The following SMIM10L3 variants were observed in gnomAD, a reference collection of about 807,000 sequenced individuals.
SMIM10L3 encodes salivary gland specific protein SAGSIN1.
chr7:6,348,492 C>G, the SMIM10L3 span: 2 of 409,686 alleles, frequency 4.9e-6, no homozygotes, highest in Non-Finnish European at 8.6e-6. Context: ...TAGGCAGTGG[C>G]AGCTGCCGTG....
the SMIM10L3 span, chr7:6,330,190 C>T: frequency 1.6e-6 from 1 of 622,976 alleles, no homozygotes; most frequent in Non-Finnish European, 2.8e-6. Context: ...TTAACACATG[C>T]CAAAAAAGTT....
chr7:6,347,912 T>C, the SMIM10L3 span, among the ~76,000 whole-genome samples: 1 of 146,966 alleles, frequency 6.8e-6, no homozygotes, highest in African/African-American at 2.5e-5. Flanking sequence ...TTATTATTAT[T>C]ATTATTATTA....
the SMIM10L3 span, chr7:6,348,710 C>A: frequency 2.4e-6 from 1 of 422,664 alleles, no homozygotes; most frequent in Non-Finnish European, 4.2e-6. Flanking sequence ...GAGCGGGCGG[C>A]GGCCGAGCGC....
the SMIM10L3 span, among the ~76,000 whole-genome samples, chr7:6,339,870 C>T: frequency 6.6e-6 from 1 of 151,618 alleles, no homozygotes; most frequent in Non-Finnish European, 1.5e-5. Context: ...GGCCGGGTGC[C>T]AGCTCGGCGT....
At chr7:6,335,807 G>A in the SMIM10L3 span, among the ~76,000 whole-genome samples, 1 of 152,118 alleles carries the variant, frequency 6.6e-6, no homozygotes, top group Non-Finnish European at 1.5e-5. Flanking sequence ...GGCACAGACA[G>A]AAGGATGGCT....
chr7:6,338,532 G>C, the SMIM10L3 span: 15,105 of 152,190 alleles, frequency 0.099, 983 homozygotes, highest in Admixed American at 0.22. Context: ...ACCTCCCTCT[G>C]CCTCCCACCA....
the SMIM10L3 span, among the ~76,000 whole-genome samples, chr7:6,334,856 C>G: frequency 6.6e-6 from 1 of 151,682 alleles, no homozygotes; most frequent in Non-Finnish European, 1.5e-5. Context: ...GCAACCTCCA[C>G]CTCCTGGGTT....
chr7:6,346,257 C>G, the SMIM10L3 span, among the ~76,000 whole-genome samples: 8 of 152,272 alleles, frequency 5.3e-5, no homozygotes, highest in Non-Finnish European at 1.0e-4. Flanking sequence ...ATTCAAGCCA[C>G]CTGGTGGAGG....
chr7:6,331,738 C>CT, the SMIM10L3 span, among the ~76,000 whole-genome samples: 1,288 of 117,708 alleles, frequency 0.011, 15 homozygotes, highest in Non-Finnish European at 0.014. Flanking sequence ...ATAATAGAGG[C>CT]TTTTTTTTTT....
At chr7:6,334,130 G>A in the SMIM10L3 span, among the ~76,000 whole-genome samples, 36 of 151,610 alleles carry the variant, frequency 2.4e-4, no homozygotes, top group Non-Finnish European at 4.6e-4. Context: ...ACAAGCGTGA[G>A]CCACCGCACC....
At chr7:6,345,890 T>C in the SMIM10L3 span, among the ~76,000 whole-genome samples, 19 of 152,098 alleles carry the variant, frequency 1.2e-4, no homozygotes, top group South Asian at 1.0e-3. Flanking sequence ...TGCCTCAGCC[T>C]ACCATGTAGC....
the SMIM10L3 span, among the ~76,000 whole-genome samples, chr7:6,348,140 C>T: frequency 2.0e-5 from 3 of 151,298 alleles, no homozygotes; most frequent in Non-Finnish European, 4.4e-5. Context: ...GAACTCCTGA[C>T]CTCAGGTAAT....
At chr7:6,340,253 G>A in the SMIM10L3 span, among the ~76,000 whole-genome samples, 1 of 152,130 alleles carries the variant, frequency 6.6e-6, no homozygotes. Flanking sequence ...ACTCTTCTCT[G>A]ACTAGCATCC....
the SMIM10L3 span, among the ~76,000 whole-genome samples, chr7:6,345,305 G>T: frequency 6.6e-6 from 1 of 151,630 alleles, no homozygotes; most frequent in East Asian, 1.9e-4. Context: ...GTACAGACTG[G>T]GGTCTTGCTG....
At chr7:6,336,555 C>T in the SMIM10L3 span, among the ~76,000 whole-genome samples, 1 of 151,842 alleles carries the variant, frequency 6.6e-6, no homozygotes, top group Non-Finnish European at 1.5e-5. Context: ...GTTGCACATG[C>T]CTATAATCCC....
At chr7:6,333,175 A>C in the SMIM10L3 span, among the ~76,000 whole-genome samples, 2,049 of 151,998 alleles carry the variant, frequency 0.013, 23 homozygotes, top group African/African-American at 0.031. Flanking sequence ...AATCAAAAAA[A>C]AAAAAACAAA....
the SMIM10L3 span, among the ~76,000 whole-genome samples, chr7:6,333,772 C>CTTTTTT: frequency 6.4e-5 from 8 of 125,076 alleles, no homozygotes; most frequent in Non-Finnish European, 3.4e-5. Flanking sequence ...GAACAAGTGT[C>CTTTTTT]TTTTTTTTTT....
the SMIM10L3 span, among the ~76,000 whole-genome samples, chr7:6,339,523 G>A: frequency 4.6e-5 from 7 of 151,000 alleles, no homozygotes; most frequent in Admixed American, 2.0e-4. Flanking sequence ...TCGCTCTGTC[G>A]CCCAGGCTGG....
the SMIM10L3 span, among the ~76,000 whole-genome samples, chr7:6,331,556 A>AT: frequency 6.6e-6 from 1 of 151,530 alleles, no homozygotes; most frequent in Non-Finnish European, 1.5e-5. Context: ...AATTTTTTGT[A>AT]TTTTTAATAG....
Sources: allele counts gnomAD v4.1 joint callset (sites outside exome capture counted in the v4.1 genomes callset), GRCh38; gene constraint gnomAD v4.1.1; transcripts MANE v1.5; gene names NCBI Gene and HGNC (gene_info 2026-07-23, HGNC 2026-07-21).